Variants in MIAT observed in about 807,000 individuals in gnomAD.
MIAT encodes the protein MI related novel mRNA.
At chr22:26,653,166 GA>G (rs1930367904) in intron 2 of MIAT, among the ~76,000 whole-genome samples, 1 of 152,232 alleles carries the variant, frequency 6.6e-6, no homozygotes, top group Non-Finnish European at 1.5e-5. Flanking sequence ...TGGGCAAAAT[GA>G]GGGCAAAGGA....
chr22:26,668,515 C>T (rs1930932546), exon 6 of MIAT: 1 of 399,030 alleles, frequency 2.5e-6, no homozygotes, highest in East Asian at 3.6e-5. Context: ...GAACTTGATT[C>T]CTCCTCGCGT....
exon 4 of MIAT, chr22:26,665,771 C>G: frequency 2.5e-6 from 1 of 398,608 alleles, no homozygotes; most frequent in Non-Finnish European, 4.4e-6. Context: ...AAAGAAAGAG[C>G]CTGTCCCCAT....
chr22:26,672,237 C>T (rs1189582759), downstream of MIAT: 2 of 399,082 alleles, frequency 5.0e-6, no homozygotes, highest in Non-Finnish European at 8.8e-6. Context: ...CCAGCCCTGC[C>T]GAGCTCTGGG....
intron 2 of MIAT, among the ~76,000 whole-genome samples, chr22:26,662,047 C>A (rs1344008893): frequency 6.6e-6 from 1 of 150,768 alleles, no homozygotes; most frequent in Non-Finnish European, 1.5e-5. Flanking sequence ...GCCTCTACCT[C>A]CTGGGTTAAA....
At chr22:26,655,160 C>T (rs950309335) in intron 2 of MIAT, among the ~76,000 whole-genome samples, 25 of 152,202 alleles carry the variant, frequency 1.6e-4, no homozygotes, top group African/African-American at 6.0e-4. Flanking sequence ...GGACTGTTAA[C>T]TCTGTCAGGG....
At chr22:26,659,565 C>T (rs553990866) in intron 2 of MIAT, among the ~76,000 whole-genome samples, 36 of 152,026 alleles carry the variant, frequency 2.4e-4, no homozygotes, top group Non-Finnish European at 5.0e-4. Flanking sequence ...GGGCTGGGCA[C>T]GGTGGCTAAC....
chr22:26,673,157 C>T (rs1931124904), downstream of MIAT: 1 of 398,666 alleles, frequency 2.5e-6, no homozygotes. Context: ...AAGTGAACCT[C>T]AGGGGCTCAC....
downstream of MIAT, chr22:26,670,579 T>C: frequency 2.6e-6 from 1 of 379,070 alleles, no homozygotes. Context: ...TTAAAGTAAC[T>C]TCTAGGAAAT....
At chr22:26,675,737 CTA>C in exon 5 of MIAT, 2 of 398,640 alleles carry the variant, frequency 5.0e-6, no homozygotes, top group Non-Finnish European at 8.8e-6. Flanking sequence ...GGCTGCAAGT[CTA>C]TAAGATAATT....
chr22:26,664,987 A>AG (rs1930791904), intron 3 of MIAT, among the ~76,000 whole-genome samples: 1 of 152,216 alleles, frequency 6.6e-6, no homozygotes, highest in African/African-American at 2.4e-5. Context: ...CTGTAATCCC[A>AG]GCACTTTGGA....
At chr22:26,674,741 C>T (rs563560081) in exon 5 of MIAT, 4 of 398,550 alleles carry the variant, frequency 1.0e-5, no homozygotes. Context: ...CTGCCATCCT[C>T]TAGTGGCTGC....
chr22:26,671,726 C>G (rs1931053919), downstream of MIAT: 1 of 398,444 alleles, frequency 2.5e-6, no homozygotes, highest in South Asian at 1.3e-4. Context: ...CACCTCACTT[C>G]TCTCAACCTC....
At chr22:26,664,694 T>C (rs2146011290) in intron 3 of MIAT, among the ~76,000 whole-genome samples, 1 of 152,370 alleles carries the variant, frequency 6.6e-6, no homozygotes, top group South Asian at 2.1e-4. Flanking sequence ...TTTGTTCCTT[T>C]TTATTGATGA....
At chr22:26,671,883 A>G, downstream of MIAT, 2 of 397,800 alleles carry the variant, frequency 5.0e-6, no homozygotes, top group Non-Finnish European at 4.4e-6. Context: ...CTGGTTGAAC[A>G]CGTCTGCTGC....
downstream of MIAT, chr22:26,673,726 A>C: frequency 7.5e-6 from 3 of 398,662 alleles, no homozygotes; most frequent in Non-Finnish European, 1.3e-5. Flanking sequence ...CATAGCTAAC[A>C]ATTTTGGGCG....
exon 5 of MIAT, chr22:26,675,021 CCT>C: frequency 2.5e-6 from 1 of 398,652 alleles, no homozygotes; most frequent in Non-Finnish European, 4.4e-6. Flanking sequence ...TTGATGTGCA[CCT>C]ACTCTGTGCC....
chr22:26,666,640 CAG>C (rs951023207), exon 4 of MIAT: 5 of 398,558 alleles, frequency 1.3e-5, no homozygotes, highest in African/African-American at 8.2e-5. Flanking sequence ...TGTTGGGAAA[CAG>C]GGAGTGAGTG....
chr22:26,666,078 T>A, exon 4 of MIAT: 2 of 398,628 alleles, frequency 5.0e-6, no homozygotes, highest in South Asian at 1.3e-4. Flanking sequence ...TCAGTGTAAG[T>A]GTCTGAGCTC....
intron 2 of MIAT, among the ~76,000 whole-genome samples, chr22:26,651,867 GT>G (rs1453953818): frequency 6.6e-6 from 1 of 152,250 alleles, no homozygotes; most frequent in Non-Finnish European, 1.5e-5. Flanking sequence ...TATTTTGGGG[GT>G]GATGAAAATG....
Sources: allele counts gnomAD v4.1 joint callset (sites outside exome capture counted in the v4.1 genomes callset), GRCh38; gene constraint gnomAD v4.1.1; transcripts MANE v1.5; gene names NCBI Gene and HGNC (gene_info 2026-07-23, HGNC 2026-07-21).